SLC25A40: variants seen among roughly 807,000 people sequenced by gnomAD.
SLC25A40 encodes solute carrier family 25 member 40.
A neutral mutation model predicts 46.5 loss-of-function variants in SLC25A40; 41 were observed. The observed-to-expected ratio is 0.88, with a 90% CI of 0.69 to 1.14. The LOEUF is 1.14. Ranked by LOEUF, SLC25A40 falls within the 50% of genes most tolerant of loss-of-function variation. The pLI, the probability that SLC25A40 is intolerant of heterozygous loss-of-function variation, is 0.00. For synonymous variants in SLC25A40, 126 were observed against 127.5 expected (o/e 0.99, Z 0.08); for missense variants, 386 against 393.6 (o/e 0.98, Z 0.16).
At chr7:87,864,016 A>G (rs1474850164) in intron 1 of SLC25A40, among the ~76,000 whole-genome samples, 2 of 152,224 alleles carry the variant, frequency 1.3e-5, no homozygotes, top group Non-Finnish European at 2.9e-5. Flanking sequence ...AGGTTCATCC[A>G]TGTTGTCACA....
At chr7:87,875,448 A>G (rs534557589) in intron 1 of SLC25A40, among the ~76,000 whole-genome samples, 1 of 152,292 alleles carries the variant, frequency 6.6e-6, no homozygotes, top group Admixed American at 6.5e-5. Flanking sequence ...TCCTTGAGCT[A>G]CCAGGTAAAA....
At chr7:87,851,639 G>A (rs908912077) in intron 5 of SLC25A40, among the ~76,000 whole-genome samples, 2 of 152,188 alleles carry the variant, frequency 1.3e-5, no homozygotes, top group Admixed American at 6.5e-5. Flanking sequence ...CCACTACACC[G>A]TCAGTGGAAA....
chr7:87,862,427 T>C (rs573638001), intron 1 of SLC25A40, among the ~76,000 whole-genome samples: 1 of 152,290 alleles, frequency 6.6e-6, no homozygotes, highest in South Asian at 2.1e-4. Flanking sequence ...GGTCTTCAAA[T>C]GTAAATGGGA....
intron 1 of SLC25A40, among the ~76,000 whole-genome samples, chr7:87,864,496 T>A (rs1838758462): frequency 6.6e-6 from 1 of 152,170 alleles, no homozygotes. Context: ...TATATCAGGG[T>A]GTTCCCGCAT....
intron 5 of SLC25A40, among the ~76,000 whole-genome samples, chr7:87,852,592 A>C (rs565866224): frequency 5.3e-5 from 8 of 152,282 alleles, no homozygotes; most frequent in Non-Finnish European, 1.0e-4. Flanking sequence ...GAAATATAAA[A>C]ATAAAGTGAG....
intron 1 of SLC25A40, among the ~76,000 whole-genome samples, chr7:87,861,591 T>C (rs186487365): frequency 4.6e-5 from 7 of 152,284 alleles, no homozygotes; most frequent in Admixed American, 3.9e-4. Context: ...ACAATAAAAA[T>C]ATTTTAGTTC....
At chr7:87,855,480 T>C (rs1838597286) in intron 4 of SLC25A40, among the ~76,000 whole-genome samples, 1 of 151,486 alleles carries the variant, frequency 6.6e-6, no homozygotes, top group South Asian at 2.1e-4. Flanking sequence ...TCTTCCCACT[T>C]ACTGGACTAA....
intron 10 of SLC25A40, among the ~76,000 whole-genome samples, chr7:87,839,686 T>C (rs1052858272): frequency 6.6e-6 from 1 of 151,750 alleles, no homozygotes; most frequent in Non-Finnish European, 1.5e-5. Context: ...TTCCAGTAGA[T>C]TATGAGCTCT....
In SLC25A40 at chr7:87,853,825, CAG is replaced by C. The variant is rs1414348311; in HGVS notation, c.264+377_264+378del. Among the ~76,000 whole-genome samples, 9 of 151,640 alleles carry C rather than the reference CAG, an allele frequency of 5.9e-5. 1 individual carries two copies. On this transcript the variant is annotated intron_variant, in intron 5 of 11. Transcript: ENST00000341119. ...ATGGGTGTGGCTCTAAAAAAGGAAA[CAG>C]AAAGAATCCTTGTGATAATGAAATT...
At chr7:87,865,148 A>G (rs1838770971) in intron 1 of SLC25A40, among the ~76,000 whole-genome samples, 1 of 151,418 alleles carries the variant, frequency 6.6e-6, no homozygotes. Context: ...GGTCTAACGC[A>G]TTGCTTGTTA....
chr7:87,849,782 A>T, intron 6 of SLC25A40, 99 bp downstream of exon 6: 1 of 831,068 alleles, frequency 1.2e-6, no homozygotes, highest in Non-Finnish European at 1.8e-6. Context: ...AAATGAAAGC[A>T]TTCTAATATT....
At chr7:87,844,363 C>T (rs1370214019) in intron 8 of SLC25A40, among the ~76,000 whole-genome samples, 9 of 152,040 alleles carry the variant, frequency 5.9e-5, no homozygotes, top group African/African-American at 1.7e-4. Context: ...AAACGCAACA[C>T]TCCTTCATTT....
intron 1 of SLC25A40, among the ~76,000 whole-genome samples, chr7:87,872,619 T>G (rs1473481453): frequency 6.6e-6 from 1 of 152,174 alleles, no homozygotes; most frequent in African/African-American, 2.4e-5. Flanking sequence ...ATCATTTCTA[T>G]TCAACAAAGT....
At chr7:87,836,643 T>C (rs1384555438) in intron 11 of SLC25A40, 87 bp downstream of exon 11, 1 of 799,364 alleles carries the variant, frequency 1.3e-6, no homozygotes, top group South Asian at 2.2e-5. Context: ...ATGTTACCTA[T>C]AACTTCCTCC....
intron 1 of SLC25A40, among the ~76,000 whole-genome samples, chr7:87,865,839 T>C (rs1323769095): frequency 6.6e-6 from 1 of 152,078 alleles, no homozygotes; most frequent in Non-Finnish European, 1.5e-5. Context: ...CCCAGCAGTT[T>C]GGAATGCCAA....
Position 87,848,687 on chromosome 7 carries a change from G to T in SLC25A40, c.333-710C>A, listed in dbSNP as rs542743044. ...ATTCTAATGACATACTATTTTAAAA[G>T]AAATTATTAAAAGGGAATTATTAAA... On this transcript the variant is annotated intron_variant, in intron 6 of 11. Transcript: ENST00000341119. 5.3e-5 allele frequency among the ~76,000 whole-genome samples: 8 copies of T among 152,206 alleles called. No homozygotes were observed. In the East Asian group the frequency reaches 1.5e-3, roughly 29 times the overall value.
chr7:87,864,704 A>T (rs561483834), intron 1 of SLC25A40, among the ~76,000 whole-genome samples: 1 of 152,288 alleles, frequency 6.6e-6, no homozygotes, highest in Admixed American at 6.5e-5. Flanking sequence ...GTGTCTTTAT[A>T]GATTAAGTAG....
At chr7:87,859,523 A>G (rs1056423179) in intron 2 of SLC25A40, among the ~76,000 whole-genome samples, 1 of 152,146 alleles carries the variant, frequency 6.6e-6, no homozygotes, top group Non-Finnish European at 1.5e-5. Flanking sequence ...ATACATATGT[A>G]TATGTCTATA....
chr7:87,845,915 C>T (rs1838409828), intron 8 of SLC25A40, among the ~76,000 whole-genome samples: 1 of 151,892 alleles, frequency 6.6e-6, no homozygotes, highest in African/African-American at 2.4e-5. Flanking sequence ...CATACAATCA[C>T]TTTGGAAAAG....
Sources: gnomAD v4.1 joint callset for allele counts (sites outside exome capture counted in the v4.1 genomes callset) on GRCh38, gnomAD v4.1.1 for gene constraint, MANE v1.5 for transcripts, NCBI Gene and HGNC (gene_info 2026-07-23, HGNC 2026-07-21) for gene names.